The following LILRB1 variants were observed in gnomAD, a reference collection of about 807,000 sequenced individuals.
LILRB1 encodes leukocyte immunoglobulin like receptor B1.
Under a neutral mutation model 74.6 loss-of-function variants are expected in LILRB1, and 59 were observed. The observed-to-expected ratio is 0.79, with a 90% CI of 0.64 to 0.98. The LOEUF (loss-of-function observed/expected upper bound fraction) is 0.98. Among genes scored for constraint, LILRB1 ranks in the 50% least tolerant of loss-of-function variants. The probability of loss-of-function intolerance (pLI) is 0.00; values close to 1 mark genes in which losing one functional copy is unlikely to be tolerated. For synonymous variants in LILRB1, 328 were observed against 333.9 expected, an observed-to-expected ratio of 0.98 and a Z score of 0.19; for missense variants, 804 against 822.6, an observed-to-expected ratio of 0.98 and a Z score of 0.28.
At chr19:54,635,026 T>C in intron 10 of LILRB1, 78 bp from the exon 11 acceptor site, 1 of 1,331,424 alleles carries the variant, frequency 7.5e-7, no homozygotes, top group South Asian at 1.5e-5. Flanking sequence ...TAGGTTTCCT[T>C]CCTTACCTTC....
Position 54,631,593 on chromosome 19 carries a change from C to A in LILRB1, c.164C>A (p.Thr55Asn), listed in dbSNP as rs369122618. ...CTCAGGTGTCAGGGGGGCCAGGAGA[C>A]CCAGGAGTACCGTCTATATAGAGAA... ...VTLRCQGGQETQEYRLYREKK... is the reference protein window; with the variant it reads ...VTLRCQGGQENQEYRLYREKK... The change falls in exon 4 of 15, where the codon ACC (threonine) becomes AAC (asparagine). Residue 55 changes from threonine (T) to asparagine (N), a missense_variant. Physicochemically the swap from Thr to Asn is moderately conservative, Grantham distance 65. Transcript: ENST00000324602. 6.2e-7 allele frequency: 1 copy of A among 1,614,250 alleles called. No homozygotes were observed. The highest frequency in any genetic ancestry group is 8.5e-7 in the Non-Finnish European group (1 of 1,180,034).
chr19:54,636,567 T>A lies in LILRB1; in HGVS notation c.1727T>A (p.Met576Lys), dbSNP rs1430455472. The stretch of plus-strand genomic sequence containing the variant: ...AAACACTCCAGACCTAGGAGAGAAA[T>A]GGCCTCTCCTCCTTCCCCACTGTCT... Reference protein sequence around the residue: ...EVKHSRPRREMASPPSPLSGE... With the variant: ...EVKHSRPRREKASPPSPLSGE... The change falls in exon 14 of 15, where the codon ATG becomes AAG. Residue 576 changes from methionine to lysine, a missense_variant. Physicochemically the swap from Met to Lys is moderately conservative, Grantham distance 95. Coordinates refer to ENST00000324602, the MANE Select transcript of LILRB1 (RefSeq NM_001081637.3). 43 of 1,610,696 alleles carry A rather than the reference T, an allele frequency of 2.7e-5. No individual in the cohort carries two copies. The highest frequency in any genetic ancestry group is 3.6e-5 in the Non-Finnish European group (43 of 1,179,590).
Position 54,618,037 on chromosome 19 carries a change from G to A in LILRB1, c.-166+688G>A, listed in dbSNP as rs181379367. On this transcript the variant is annotated intron_variant, in intron 1 of 15. Coordinates refer to the LILRB1 transcript ENST00000396331. The stretch of plus-strand genomic sequence containing the variant: ...AATCACTTCAGCATGGGAGATGTAG[G>A]TTGCAGTGAGCTGGGATCATGCCAC... Among the ~76,000 whole-genome samples, 153 of 148,228 alleles carry A rather than the reference G, an allele frequency of 1.0e-3. 1 individual carries two copies. Among genetic ancestry groups the A allele is most frequent in the Non-Finnish European group, 1.4e-3 (96 of 67,484 alleles).
chr19:54,626,369 T>A (rs1180465793), upstream of LILRB1, among the ~76,000 whole-genome samples: 12 of 152,242 alleles, frequency 7.9e-5, no homozygotes, highest in Non-Finnish European at 2.9e-5. Flanking sequence ...CTTTCTTCAT[T>A]TCTGTAAAAA....
chr19:54,616,520 C>A (rs2063316620), upstream of LILRB1, among the ~76,000 whole-genome samples: 1 of 152,174 alleles, frequency 6.6e-6, no homozygotes, highest in African/African-American at 2.4e-5. Flanking sequence ...CCACTGAAAG[C>A]CTCCAGGATT....
chr19:54,630,625 A>C lies in LILRB1; in HGVS notation c.-57A>C, dbSNP rs1372146144. On this transcript the variant is annotated 5_prime_UTR_variant, in exon 1 of 15. Transcript: ENST00000324602. ...AAGCATCTCCAGGGCTGGAGGGACGACTGCCATGGTAAGGACCCCACAACA... is the reference window on the plus strand; with the variant it reads ...AAGCATCTCCAGGGCTGGAGGGACGCCTGCCATGGTAAGGACCCCACAACA... 2 of 874,812 alleles carry C rather than the reference A, an allele frequency of 2.3e-6. No homozygotes were observed. The highest frequency in any genetic ancestry group is 2.7e-5 in the South Asian group (2 of 73,812). The allele number at this position is 874,812 out of a possible 1,614,324, so 54.2% of individuals were successfully genotyped here. A position where few individuals can be genotyped will look rare whatever the true frequency, so the allele number is the denominator to read the frequency against.
intron 1 of LILRB1, among the ~76,000 whole-genome samples, chr19:54,624,836 G>A (rs549048202): frequency 7.9e-5 from 12 of 152,060 alleles, no homozygotes; most frequent in Middle Eastern, 6.8e-3. Flanking sequence ...TAGAGCCTGC[G>A]GCAGATCACA....
At chr19:54,636,710 C>A (rs2064465796) in intron 14 of LILRB1, 22 bp from the exon 15 acceptor site, 1 of 1,604,878 alleles carries the variant, frequency 6.2e-7, no homozygotes, top group African/African-American at 1.4e-5. Flanking sequence ...CGTTCCTTCC[C>A]TCTCACTCTC....
chr19:54,636,462 C>G (rs777803464), intron 13 of LILRB1, 32 bp from the exon 14 acceptor site: 2 of 1,607,502 alleles, frequency 1.2e-6, no homozygotes, highest in East Asian at 4.5e-5. Context: ...CAGGAGGATT[C>G]AAGGACACCC....
In LILRB1 at chr19:54,636,880, C is replaced by G. The variant is rs8101240; in HGVS notation, c.*2C>G. 22 of 1,613,640 alleles carry G rather than the reference C, an allele frequency of 1.4e-5. No homozygotes were observed. Among genetic ancestry groups the G allele is most frequent in the Non-Finnish European group, 1.9e-5 (22 of 1,179,948 alleles). ...TACGCCACTCTGGCCATCCACTAGC[C>G]CAGGGGGGGACGCAGACCCCACACT... is the stretch of plus-strand genomic sequence containing the variant. On this transcript the variant is annotated 3_prime_UTR_variant, in exon 15 of 15. Coordinates refer to ENST00000324602, the MANE Select transcript of LILRB1 (RefSeq NM_001081637.3).
upstream of LILRB1, among the ~76,000 whole-genome samples, chr19:54,625,859 C>T (rs577561672): frequency 6.9e-5 from 10 of 144,972 alleles, 1 homozygote; most frequent in Admixed American, 1.4e-4. Flanking sequence ...CTTTCATTCA[C>T]TCACCCCTTC....
chr19:54,635,585 G>C lies in LILRB1; in HGVS notation c.1629G>C (p.Glu543Asp), dbSNP rs61737692. The C allele has an allele frequency of 6.2e-7, 1 of 1,613,836 alleles. No individual in the cohort carries two copies. The highest frequency in any genetic ancestry group is 8.5e-7 in the Non-Finnish European group (1 of 1,179,960). The stretch of plus-strand genomic sequence containing the variant: ...CTGCCGTGAAGCACACACAGCCTGA[G>C]GATGGGGTGGAGATGGACACTCGGG... ...LYAAVKHTQP[E>D]DGVEMDTRQS... is the part of the protein sequence containing the mutation. The change falls in exon 13 of 15, where the codon GAG becomes GAC. Residue 543 changes from glutamate to aspartate, a missense_variant. Glu to Asp is a conservative substitution (Grantham distance 45). Transcript: ENST00000324602.
At chr19:54,621,528 G>A (rs548430559) in intron 1 of LILRB1, among the ~76,000 whole-genome samples, 2 of 94,070 alleles carry the variant, frequency 2.1e-5, no homozygotes, top group African/African-American at 6.2e-5. Context: ...AGTTGTCTGT[G>A]TTTTTTGTTT....
Position 54,633,110 on chromosome 19 carries a change from G to A in LILRB1, c.1053G>A (p.Trp351Ter), listed in dbSNP as rs763129874. ...CCCTGCTGTGTCAGTCACAGGGATG[G>A]ATGCAAACTTTCCTTCTGACCAAGG... is the stretch of plus-strand genomic sequence containing the variant. ...NVTLLCQSQG[W>*]MQTFLLTKEG... The change falls in exon 7 of 15, where the codon TGG becomes TGA. Residue 351 changes from tryptophan (W) to a stop codon, truncating the protein, a stop_gained. Transcript: ENST00000324602. LOFTEE classifies it high-confidence loss of function. 2 of 1,614,160 alleles carry A rather than the reference G, an allele frequency of 1.2e-6. No individual in the cohort carries two copies. The highest frequency in any genetic ancestry group is 1.7e-6 in the Non-Finnish European group (2 of 1,180,052).
Position 54,631,107 on chromosome 19 carries a change from G to T in LILRB1, c.34G>T (p.Gly12Trp). Residue 12 changes from glycine to tryptophan, a missense_variant and splice_region_variant, in exon 2 of 15, where the codon GGG becomes TGG. By Grantham distance (184) the Gly-to-Trp change is radical. Coordinates refer to ENST00000324602, the MANE Select transcript of LILRB1 (RefSeq NM_001081637.3). ...CATCCTCACGGTCCTGATCTGTCTC[G>T]GTGAGATTTGAAGAAGGAGGGGAGC... ...TPILTVLICL[G>W]LSLGPRTHVQ... The T allele has an allele frequency of 1.2e-6, 2 of 1,614,132 alleles. No homozygotes were observed. Among genetic ancestry groups the T allele is most frequent in the Non-Finnish European group, 8.5e-7 (1 of 1,180,000 alleles).
At position 54,632,139 on chromosome 19, in the gene LILRB1, G is replaced by T. The variant is rs1463646594; in HGVS notation, c.563G>T (p.Ser188Ile). Residue 188 changes from serine (S) to isoleucine (I), a missense_variant, in exon 5 of 15, where the codon AGC becomes ATC. Physicochemically the swap from Ser to Ile is moderately radical, Grantham distance 142. Coordinates refer to ENST00000324602, the MANE Select transcript of LILRB1 (RefSeq NM_001081637.3). ...SRAIFSVGPV[S>I]PSRRWWYRCY... ...GCCATCTTCTCCGTGGGCCCCGTGA[G>T]CCCGAGTCGCAGGTGGTGGTACAGG... The T allele has an allele frequency of 3.1e-6, 5 of 1,614,250 alleles. No homozygotes were observed. The highest frequency in any genetic ancestry group is 3.4e-6 in the Non-Finnish European group (4 of 1,180,038).
At position 54,634,026 on chromosome 19, in the gene LILRB1, G is replaced by A; in HGVS notation, c.1363+5G>A. On this transcript the variant is annotated splice_donor_5th_base_variant and intron_variant, in intron 9 of 14. Transcript: ENST00000324602. Reference sequence around the variant, plus strand: ...CCGGGTCGGATCCCCAGAGTGGTGAGTGACGGGCTCTGAGTGGGAGGTGGG... The same window carrying A: ...CCGGGTCGGATCCCCAGAGTGGTGAATGACGGGCTCTGAGTGGGAGGTGGG... 6.3e-7 allele frequency: 1 copy of A among 1,592,808 alleles called. No homozygotes were observed. The highest frequency in any genetic ancestry group is 8.6e-7 in the Non-Finnish European group (1 of 1,169,290).
In LILRB1 at chr19:54,636,798, G is replaced by A. The variant is rs16985478; in HGVS notation, c.1879G>A (p.Glu627Lys). ...AQLHSLTLRR[E>K]ATEPPPSQEG... ...GCTGCACAGCTTGACCCTCAGACGG[G>A]AGGCAACTGAGCCTCCTCCATCCCA... Residue 627 changes from glutamate (E) to lysine (K), a missense_variant, in exon 15 of 15, where the codon GAG becomes AAG. Physicochemically the swap from Glu to Lys is moderately conservative, Grantham distance 56. Transcript: ENST00000324602. 0.13 allele frequency: 209,451 copies of A among 1,599,308 alleles called. 14,274 individuals are homozygous for A. Among genetic ancestry groups the A allele is most frequent in the Admixed American group, 0.16 (9,566 of 59,698 alleles).
intron 1 of LILRB1, among the ~76,000 whole-genome samples, chr19:54,619,158 G>A (rs2063389820): frequency 6.6e-6 from 1 of 152,012 alleles, no homozygotes; most frequent in Admixed American, 6.5e-5. Flanking sequence ...TAAATATAAA[G>A]AGGAATTTTG....
Sources: allele counts gnomAD v4.1 joint callset (sites outside exome capture counted in the v4.1 genomes callset), GRCh38; gene constraint gnomAD v4.1.1; transcripts MANE v1.5; gene names NCBI Gene and HGNC (gene_info 2026-07-23, HGNC 2026-07-21).